Variants in RMST observed in about 807,000 individuals in gnomAD.
RMST encodes rhabdomyosarcoma 2 associated transcript, also known as long intergenic non-protein coding RNA 54.
At chr12:97,508,986 T>C (rs74472457) in intron 10 of RMST, among the ~76,000 whole-genome samples, 2 of 152,338 alleles carry the variant, frequency 1.3e-5, no homozygotes, top group East Asian at 3.9e-4. Flanking sequence ...ACCAGATTCA[T>C]CATTGCTGAA....
chr12:97,499,028 T>G (rs1877773734), intron 10 of RMST, among the ~76,000 whole-genome samples: 1 of 152,186 alleles, frequency 6.6e-6, no homozygotes, highest in South Asian at 2.1e-4. Context: ...CTGCTGAAGG[T>G]GCCCGCTGGG....
At chr12:97,563,990 T>C in intron 13 of RMST, 2 of 410,460 alleles carry the variant, frequency 4.9e-6, no homozygotes, top group South Asian at 3.6e-5. Context: ...ATTTAGTGTA[T>C]AGCTCTGCTA....
At chr12:97,483,607 C>T (rs1255853817) in intron 5 of RMST, 2 of 152,162 alleles carry the variant, frequency 1.3e-5, no homozygotes, top group African/African-American at 2.4e-5. Flanking sequence ...CTTGTAATTA[C>T]ACTCAGTGTT....
chr12:97,499,895 G>A (rs1278549671), intron 10 of RMST, among the ~76,000 whole-genome samples: 2 of 152,064 alleles, frequency 1.3e-5, no homozygotes, highest in Admixed American at 6.5e-5. Context: ...CTGACCTCGG[G>A]CGATCTGCCT....
chr12:97,544,328 G>C (rs1252919902), intron 11 of RMST, among the ~76,000 whole-genome samples: 1 of 152,082 alleles, frequency 6.6e-6, no homozygotes, highest in African/African-American at 2.4e-5. Flanking sequence ...AATTGTGCCT[G>C]CCCAGTTGGG....
intron 10 of RMST, among the ~76,000 whole-genome samples, chr12:97,523,032 G>A (rs1308816796): frequency 6.6e-6 from 1 of 152,190 alleles, no homozygotes; most frequent in Non-Finnish European, 1.5e-5. Flanking sequence ...TTGAAGCTAG[G>A]CTGTATCAGC....
intron 5 of RMST, among the ~76,000 whole-genome samples, chr12:97,469,683 T>A (rs1325840132): frequency 1.3e-5 from 2 of 152,114 alleles, no homozygotes; most frequent in Non-Finnish European, 2.9e-5. Context: ...TTAATTTTTC[T>A]TGTTATTCAA....
chr12:97,470,194 T>A (rs1161787804), intron 5 of RMST, among the ~76,000 whole-genome samples: 2 of 152,138 alleles, frequency 1.3e-5, no homozygotes, highest in Non-Finnish European at 2.9e-5. Context: ...ATTTAACACC[T>A]GACAGTTGCA....
chr12:97,560,595 C>T (rs774914062), exon 12 of RMST: 2 of 152,186 alleles, frequency 1.3e-5, no homozygotes, highest in Non-Finnish European at 2.9e-5. Context: ...ATCTCACAAC[C>T]TCAGATGCTG....
At chr12:97,524,363 C>T (rs560098543) in intron 10 of RMST, among the ~76,000 whole-genome samples, 2 of 152,124 alleles carry the variant, frequency 1.3e-5, no homozygotes, top group African/African-American at 4.8e-5. Context: ...TAAGTCTTAC[C>T]AATTGCTGTA....
At chr12:97,475,591 T>G (rs1427260593) in intron 5 of RMST, among the ~76,000 whole-genome samples, 2 of 151,598 alleles carry the variant, frequency 1.3e-5, no homozygotes, top group Non-Finnish European at 2.9e-5. Context: ...TTTTTTGTTT[T>G]TTTTTTTTAC....
At chr12:97,498,866 G>C (rs941602245) in intron 10 of RMST, among the ~76,000 whole-genome samples, 4 of 152,190 alleles carry the variant, frequency 2.6e-5, no homozygotes, top group Non-Finnish European at 5.9e-5. Flanking sequence ...GAAGGTCACT[G>C]ACCTTTTATT....
At chr12:97,510,156 C>G (rs1879129547) in intron 10 of RMST, among the ~76,000 whole-genome samples, 1 of 152,072 alleles carries the variant, frequency 6.6e-6, no homozygotes, top group Admixed American at 6.5e-5. Context: ...ATGTTTCATT[C>G]AAAGAAATAC....
intron 5 of RMST, among the ~76,000 whole-genome samples, chr12:97,489,958 GA>G (rs1211913222): frequency 6.6e-6 from 1 of 152,202 alleles, no homozygotes; most frequent in Non-Finnish European, 1.5e-5. Flanking sequence ...ATCAGGATTT[GA>G]CCTCAGTAGG....
At chr12:97,546,021 T>C (rs976253602) in intron 11 of RMST, among the ~76,000 whole-genome samples, 3 of 152,222 alleles carry the variant, frequency 2.0e-5, no homozygotes, top group Admixed American at 1.3e-4. Context: ...TTAGTCACCA[T>C]TGGCACAAAA....
At chr12:97,542,786 G>C (rs934838449) in intron 11 of RMST, among the ~76,000 whole-genome samples, 16 of 152,056 alleles carry the variant, frequency 1.1e-4, no homozygotes, top group Middle Eastern at 6.8e-3. Context: ...CTTACATCCA[G>C]AAAGTCCAAA....
chr12:97,547,028 A>G (rs1882986369), intron 11 of RMST, among the ~76,000 whole-genome samples: 1 of 151,562 alleles, frequency 6.6e-6, no homozygotes, highest in Admixed American at 6.6e-5. Context: ...GATTCCACAT[A>G]TAAGTGAGAT....
intron 10 of RMST, among the ~76,000 whole-genome samples, chr12:97,502,428 C>CA (rs1426747110): frequency 6.6e-6 from 1 of 152,110 alleles, no homozygotes; most frequent in Non-Finnish European, 1.5e-5. Context: ...TGGAGGCACA[C>CA]AGAGGCAGAC....
rs537840796 is a variant in RMST, at chr12:97,524,075, C to CAAAAAAAAAAAAAAAAAA, written n.1341-6569_1341-6552dup. On this transcript the variant is annotated intron_variant and non_coding_transcript_variant, in intron 10 of 13. Transcript: ENST00000640149. ...TGGGCAACAGAGTGAGACTCTGTCT[C>CAAAAAAAAAAAAAAAAAA]AAAAAAAAAAAAAAAAAAAAAAAAA... Among the ~76,000 whole-genome samples, 114 of 56,106 alleles carry CAAAAAAAAAAAAAAAAAA rather than the reference C, an allele frequency of 2.0e-3. 2 individuals are homozygous for CAAAAAAAAAAAAAAAAAA. Among genetic ancestry groups the CAAAAAAAAAAAAAAAAAA allele is most frequent in the African/African-American group, 2.7e-3 (35 of 12,964 alleles). 36.8% of individuals were successfully genotyped at this position (56,106 alleles called of 152,430 possible).
Sources: gnomAD v4.1 joint callset for allele counts (sites outside exome capture counted in the v4.1 genomes callset) on GRCh38, gnomAD v4.1.1 for gene constraint, MANE v1.5 for transcripts, NCBI Gene and HGNC (gene_info 2026-07-23, HGNC 2026-07-21) for gene names.